Variants in AGBL3 observed in about 807,000 individuals in gnomAD.
AGBL3 encodes the protein cytosolic carboxypeptidase 3.
A neutral mutation model predicts 94.5 loss-of-function variants in AGBL3; 68 were observed. That is an observed-to-expected ratio of 0.72 (90% confidence interval 0.59 to 0.88). The LOEUF is 0.88. Ranked by LOEUF, AGBL3 falls within the 40% of genes least tolerant of loss-of-function variation. The probability of loss-of-function intolerance (pLI) is 0.00; values close to 1 mark genes in which losing one functional copy is unlikely to be tolerated. For synonymous variants in AGBL3, 354 were observed against 370.7 expected, an observed-to-expected ratio of 0.95 and a Z score of 0.52; for missense variants, 934 against 1,103.8, an observed-to-expected ratio of 0.85 and a Z score of 2.18.
At chr7:135,049,600 T>C (rs1817690223) in intron 11 of AGBL3, among the ~76,000 whole-genome samples, 3 of 151,996 alleles carry the variant, frequency 2.0e-5, no homozygotes. Context: ...ATAATAGTTA[T>C]AGGCCTGTTC....
intron 4 of AGBL3, chr7:135,010,128 A>C (rs2133455344): frequency 2.4e-6 from 1 of 412,542 alleles, no homozygotes; most frequent in Admixed American, 3.1e-5. Flanking sequence ...TCCCAGGTTC[A>C]AGCGATTCGC....
intron 16 of AGBL3, among the ~76,000 whole-genome samples, chr7:135,124,499 T>G (rs2117271912): frequency 6.6e-6 from 1 of 152,244 alleles, no homozygotes; most frequent in South Asian, 2.1e-4. Context: ...AGACAGAAAA[T>G]TAACAAGGAT....
intron 5 of AGBL3, 41 bp downstream of exon 5, chr7:135,017,200 G>A: frequency 7.3e-7 from 1 of 1,360,654 alleles, no homozygotes; most frequent in Non-Finnish European, 1.0e-6. Flanking sequence ...AATATAATTT[G>A]GTACTTAGGT....
intron 7 of AGBL3, 132 bp from the exon 8 acceptor site, chr7:135,037,286 C>A: frequency 1.6e-6 from 1 of 625,572 alleles, no homozygotes; most frequent in Non-Finnish European, 2.5e-6. Context: ...TAATAATATG[C>A]AATATAGATA....
intron 4 of AGBL3, among the ~76,000 whole-genome samples, chr7:135,002,411 C>T (rs4368922): frequency 0.96 from 145,388 of 152,184 alleles, 69,767 homozygotes; most frequent in East Asian, 1. Context: ...CATCCAGCCT[C>T]GGTGTCCAGA....
chr7:135,097,463 G>A (rs1823073572), intron 15 of AGBL3, among the ~76,000 whole-genome samples: 1 of 152,112 alleles, frequency 6.6e-6, no homozygotes, highest in South Asian at 2.1e-4. Flanking sequence ...CTAATATTTT[G>A]TCCAAAAACT....
At chr7:135,081,127 C>A (rs1820888934) in intron 14 of AGBL3, among the ~76,000 whole-genome samples, 1 of 151,818 alleles carries the variant, frequency 6.6e-6, no homozygotes, top group African/African-American at 2.4e-5. Flanking sequence ...TATTCAGCGG[C>A]TTTTTATAAG....
Position 135,030,328 on chromosome 7 carries a change from C to T in AGBL3, c.419-2516C>T, listed in dbSNP as rs146210367. 9.1e-3 allele frequency among the ~76,000 whole-genome samples: 1,390 copies of T among 152,154 alleles called. 76 individuals carry two copies. The highest frequency in any genetic ancestry group is 0.084 in the Admixed American group (1,289 of 15,286). On this transcript the variant is annotated intron_variant, in intron 5 of 16. Coordinates refer to ENST00000436302, the MANE Select transcript of AGBL3 (RefSeq NM_178563.4). ...ATTTTAAGCTGAAAATATCATAAAT[C>T]AAAGGTGCATTTTCAACTTGTGATA... is the stretch of plus-strand genomic sequence containing the variant.
At chr7:135,059,655 G>A (rs1013896779) in intron 12 of AGBL3, among the ~76,000 whole-genome samples, 2 of 152,272 alleles carry the variant, frequency 1.3e-5, no homozygotes, top group African/African-American at 4.8e-5. Context: ...CTTACATTCT[G>A]GCTGGGGGAG....
At chr7:134,993,422 C>G (rs1161853286) in intron 3 of AGBL3, 71 bp from the exon 4 acceptor site, 3 of 1,274,672 alleles carry the variant, frequency 2.4e-6, no homozygotes, top group Admixed American at 2.9e-5. Flanking sequence ...AAAAAAGGAA[C>G]TATATAAAAA....
At chr7:135,128,842 A>C (rs1828325287) in intron 16 of AGBL3, 2 of 1,183,184 alleles carry the variant, frequency 1.7e-6, no homozygotes, top group Admixed American at 1.7e-5. Context: ...CAGGATGTGG[A>C]ATCATTGTTA....
intron 15 of AGBL3, among the ~76,000 whole-genome samples, chr7:135,105,933 C>T (rs140656008): frequency 5.4e-4 from 82 of 152,134 alleles, no homozygotes; most frequent in African/African-American, 1.9e-3. Flanking sequence ...TTGTAATTTT[C>T]ATTGTAGAGA....
chr7:134,988,514 C>T (rs1166466964), intron 2 of AGBL3: 5 of 152,352 alleles, frequency 3.3e-5, no homozygotes, highest in Admixed American at 3.3e-4. Context: ...AGATTTCCTT[C>T]AAATTTTATT....
At chr7:135,051,486 T>C (rs1817870551) in intron 11 of AGBL3, among the ~76,000 whole-genome samples, 1 of 152,112 alleles carries the variant, frequency 6.6e-6, no homozygotes, top group Non-Finnish European at 1.5e-5. Flanking sequence ...TCTTGTACAT[T>C]TCCTGCACCA....
chr7:135,048,773 T>A (rs577323837), intron 11 of AGBL3, among the ~76,000 whole-genome samples: 1 of 151,008 alleles, frequency 6.6e-6, no homozygotes, highest in African/African-American at 2.4e-5. Context: ...TTTAATGGAG[T>A]CCATAGGGTT....
At chr7:135,008,655 A>T (rs369547892) in intron 4 of AGBL3, among the ~76,000 whole-genome samples, 21 of 152,232 alleles carry the variant, frequency 1.4e-4, no homozygotes, top group African/African-American at 4.8e-4. Context: ...CTTTATCAAA[A>T]TTGAAACTTC....
intron 8 of AGBL3, among the ~76,000 whole-genome samples, chr7:135,038,644 G>GT (rs553010141): frequency 1.2e-3 from 186 of 152,194 alleles, no homozygotes; most frequent in Non-Finnish European, 2.2e-3. Context: ...CTATTTCTAG[G>GT]TTTTCTGTTA....
intron 5 of AGBL3, 86 bp from the exon 6 acceptor site, chr7:135,032,758 T>G: frequency 7.8e-7 from 1 of 1,278,248 alleles, no homozygotes; most frequent in Non-Finnish European, 1.0e-6. Flanking sequence ...ATCCTTACAC[T>G]TGTACTATTG....
chr7:135,071,571 C>A (rs1285016103), intron 12 of AGBL3, among the ~76,000 whole-genome samples: 2 of 152,060 alleles, frequency 1.3e-5, no homozygotes, highest in African/African-American at 4.8e-5. Flanking sequence ...GAGATATAGA[C>A]CAATGGAACA....
Sources: allele counts gnomAD v4.1 joint callset (sites outside exome capture counted in the v4.1 genomes callset), GRCh38; gene constraint gnomAD v4.1.1; transcripts MANE v1.5; gene names NCBI Gene and HGNC (gene_info 2026-07-23, HGNC 2026-07-21).